The following ANXA2 variants were observed in gnomAD, a reference collection of about 807,000 sequenced individuals.
ANXA2 encodes the protein annexin A2.
A neutral mutation model predicts 47.3 loss-of-function variants in ANXA2; 28 were observed. The ratio of observed to expected loss-of-function variants is 0.59; its 90% CI spans 0.44 to 0.81. The LOEUF is 0.81. ANXA2 is among the 40% of genes least tolerant of loss of function. The pLI is 0.00. For synonymous variants in ANXA2, 172 were observed against 155.5 expected (o/e 1.11, Z -0.79); for missense variants, 384 against 414.3 (o/e 0.93, Z 0.64).
At chr15:60,366,117 C>T (rs1360197437) in intron 3 of ANXA2, among the ~76,000 whole-genome samples, 1 of 126,220 alleles carries the variant, frequency 7.9e-6, no homozygotes, top group Non-Finnish European at 1.7e-5. Flanking sequence ...TCCCGAGGTG[C>T]TGGGATTGCA....
chr15:60,370,430 T>C (rs138087931), intron 3 of ANXA2, among the ~76,000 whole-genome samples: 226 of 152,316 alleles, frequency 1.5e-3, no homozygotes, highest in African/African-American at 5.3e-3. Context: ...TGTCCTATAT[T>C]GTAATACCAA....
At chr15:60,382,846 T>G (rs937669346) in intron 2 of ANXA2, 1 of 157,452 alleles carries the variant, frequency 6.4e-6, no homozygotes, top group East Asian at 1.8e-4. Context: ...GCTAAGTTTC[T>G]GCTACAGGTA....
intron 1 of ANXA2, among the ~76,000 whole-genome samples, chr15:60,396,599 C>G (rs958145199): frequency 6.6e-6 from 1 of 152,224 alleles, no homozygotes; most frequent in Non-Finnish European, 1.5e-5. Context: ...TCCACCTCCC[C>G]ACCACCAATC....
chr15:60,366,315 G>C (rs567061735), intron 3 of ANXA2, among the ~76,000 whole-genome samples: 174 of 145,958 alleles, frequency 1.2e-3, no homozygotes, highest in Middle Eastern at 3.9e-3. Context: ...CCATCGTCTG[G>C]GATATGAGGA....
intron 1 of ANXA2, among the ~76,000 whole-genome samples, chr15:60,391,897 GAAAAAAAA>G (rs10552250): frequency 6.7e-6 from 1 of 148,204 alleles, no homozygotes; most frequent in East Asian, 2.0e-4. Context: ...TCTCCAACAA[GAAAAAAAA>G]AAAAAAATCA....
intron 3 of ANXA2, among the ~76,000 whole-genome samples, chr15:60,369,215 A>G (rs764403587): frequency 2.6e-5 from 4 of 152,212 alleles, no homozygotes; most frequent in Non-Finnish European, 5.9e-5. Context: ...ATTGATTCAA[A>G]GACTCTAAAA....
chr15:60,365,419 A>G (rs1434673313), intron 3 of ANXA2, among the ~76,000 whole-genome samples: 1 of 152,226 alleles, frequency 6.6e-6, no homozygotes, highest in Non-Finnish European at 1.5e-5. Context: ...TGACTGATTA[A>G]TAACTTTGTT....
chr15:60,381,035 G>C lies in ANXA2; in HGVS notation c.148+1307C>G, dbSNP rs540799719. ...CCTGTCTCTGGAAACAAGGTCACCA[G>C]ATTCTACATGGTTTTAGGAAAGGTG... On this transcript the variant is annotated intron_variant, in intron 3 of 12. Coordinates refer to ENST00000451270, the MANE Select transcript of ANXA2 (RefSeq NM_004039.3). 2.6e-5 allele frequency among the ~76,000 whole-genome samples: 4 copies of C among 152,100 alleles called. No individual in the cohort carries two copies. The South Asian group carries it at 6.2e-4, about 24-fold the overall frequency.
At chr15:60,355,613 G>A in intron 7 of ANXA2, 1 of 454,582 alleles carries the variant, frequency 2.2e-6, no homozygotes. Context: ...CACAGATAGA[G>A]GCAAAGTGAC....
rs1031199141 is a variant in ANXA2 at position 60,397,337 on chromosome 15, A to T, written c.-12+606T>A. Reference sequence around the variant, plus strand: ...TCCGAAGTTGCTATGCTACAAGATAACCTAGAGCAAGGGGAATAACTGACG... The same window carrying T: ...TCCGAAGTTGCTATGCTACAAGATATCCTAGAGCAAGGGGAATAACTGACG... On this transcript the variant is annotated intron_variant, in intron 1 of 12. Coordinates refer to ENST00000451270, the MANE Select transcript of ANXA2 (RefSeq NM_004039.3). 4 of 985,486 alleles carry T rather than the reference A, an allele frequency of 4.1e-6. No homozygotes were observed. In the African/African-American group the frequency reaches 5.2e-5, roughly 13 times the overall value. 61.0% of individuals were successfully genotyped at this position (985,486 alleles called of 1,614,324 possible). A position where few individuals can be genotyped will look rare whatever the true frequency, so the allele number is the denominator to read the frequency against.
Position 60,349,192 on chromosome 15 carries a change from C to G in ANXA2, c.843G>C (p.Lys281Asn). The change falls in exon 12 of 13, where the codon AAG (lysine) becomes AAC (asparagine). Residue 281 changes from lysine to asparagine, a missense_variant. Transcript: ENST00000451270. Reference sequence around the variant, plus strand: ...TGATCAGGACCTTATCTCGCGTCCCCTTGCCCTGAAAATCAAGTTGATATT... The same window carrying G: ...TGATCAGGACCTTATCTCGCGTCCCGTTGCCCTGAAAATCAAGTTGATATT... Reference protein sequence around the residue: ...ADRLYDSMKGKGTRDKVLIRI... With the variant: ...ADRLYDSMKGNGTRDKVLIRI... The G allele has an allele frequency of 6.2e-7, 1 of 1,613,942 alleles. No homozygotes were observed. The highest frequency in any genetic ancestry group is 8.5e-7 in the Non-Finnish European group (1 of 1,179,880).
In ANXA2 at chr15:60,367,167, AG is replaced by A. The variant is rs1284737575; in HGVS notation, c.149-2645del. Among the ~76,000 whole-genome samples, 82 of 13,980 alleles carry A rather than the reference AG, an allele frequency of 5.9e-3. 4 individuals carry two copies. Among genetic ancestry groups the A allele is most frequent in the Non-Finnish European group, 8.2e-3 (61 of 7,464 alleles). The allele number at this position is 13,980 out of a possible 152,430, so 9.2% of individuals were successfully genotyped here. A position where few individuals can be genotyped will look rare whatever the true frequency, so the allele number is the denominator to read the frequency against. ...CCAGCCGCCCCGTCCGGGAGGGGGGAGGGGGGGTCAGCCCCCCGTCCGGCCA... is the reference window on the plus strand; with the variant it reads ...CCAGCCGCCCCGTCCGGGAGGGGGGAGGGGGGTCAGCCCCCCGTCCGGCCA... On this transcript the variant is annotated intron_variant, in intron 3 of 12. Transcript: ENST00000451270.
At chr15:60,361,381 C>A in intron 4 of ANXA2, 1 of 273,918 alleles carries the variant, frequency 3.7e-6, no homozygotes, top group Non-Finnish European at 7.2e-6. Context: ...AAAGCAGTAA[C>A]ACTCCGTGGA....
In ANXA2 at chr15:60,361,307, A is replaced by T. The variant is rs920113956; in HGVS notation, c.244-253T>A. The T allele has an allele frequency of 6.7e-6, 3 of 447,364 alleles. No homozygotes were observed. The East Asian group carries it at 1.3e-4, about 19-fold the overall frequency. The allele number at this position is 447,364 out of a possible 1,614,324, so 27.7% of individuals were successfully genotyped here. A position where few individuals can be genotyped will look rare whatever the true frequency, so the allele number is the denominator to read the frequency against. ...GCCGTCTTCCCCGGTCAATAAAAGG[A>T]AACTGGAGTCGTATGTGATTCCTAA... On this transcript the variant is annotated intron_variant, in intron 4 of 12. Coordinates refer to ENST00000451270, the MANE Select transcript of ANXA2 (RefSeq NM_004039.3).
intron 5 of ANXA2, among the ~76,000 whole-genome samples, chr15:60,358,707 G>A (rs1265459145): frequency 6.6e-6 from 1 of 152,154 alleles, no homozygotes; most frequent in African/African-American, 2.4e-5. Flanking sequence ...GGTCCATACA[G>A]CATTCTACAC....
intron 11 of ANXA2, among the ~76,000 whole-genome samples, chr15:60,350,132 G>A (rs1450456182): frequency 1.4e-4 from 7 of 48,610 alleles, no homozygotes; most frequent in South Asian, 7.4e-4. Flanking sequence ...GGGAAGGCAG[G>A]GAGGGAGGGG....
intron 2 of ANXA2, chr15:60,384,240 T>C (rs2062903221): frequency 6.6e-6 from 1 of 152,240 alleles, no homozygotes; most frequent in Non-Finnish European, 1.5e-5. Context: ...CATCGGTTAT[T>C]TACAAGGCAG....
intron 1 of ANXA2, chr15:60,397,464 A>C: frequency 6.2e-6 from 2 of 320,362 alleles, no homozygotes; most frequent in Non-Finnish European, 4.6e-6. Context: ...TCAACTCCAC[A>C]AGCGCGCGTT....
intron 4 of ANXA2, chr15:60,362,486 G>C (rs2062530356): frequency 6.6e-6 from 1 of 152,132 alleles, no homozygotes; most frequent in African/African-American, 2.4e-5. Flanking sequence ...GCTAGAACAT[G>C]AAAGAGTCGT....
Sources: gnomAD v4.1 joint callset for allele counts (sites outside exome capture counted in the v4.1 genomes callset) on GRCh38, gnomAD v4.1.1 for gene constraint, MANE v1.5 for transcripts, NCBI Gene and HGNC (gene_info 2026-07-23, HGNC 2026-07-21) for gene names.